Variants in PRPH2 observed in about 807,000 individuals in gnomAD.
The protein encoded by PRPH2 is peripherin 2, also known as peripherin-2.
Under a neutral mutation model 31.3 loss-of-function variants are expected in PRPH2, and 17 were observed. The ratio of observed to expected loss-of-function variants is 0.54; its 90% CI spans 0.37 to 0.81. The LOEUF is 0.81. Among genes scored for constraint, PRPH2 ranks in the 40% least tolerant of loss-of-function variants. The pLI is 0.00. For missense variants in PRPH2, 430 were observed against 439.7 expected (o/e 0.98, Z 0.20); for synonymous variants, 165 against 184.4 (o/e 0.89, Z 0.85).
chr6:42,701,193 C>T (rs1409002733), intron 2 of PRPH2, among the ~76,000 whole-genome samples: 5 of 151,878 alleles, frequency 3.3e-5, no homozygotes, highest in Admixed American at 1.3e-4. Context: ...GGCGTGATCT[C>T]GGCTCACCAC....
intron 1 of PRPH2, among the ~76,000 whole-genome samples, chr6:42,704,890 C>T (rs1031455348): frequency 5.3e-5 from 8 of 152,202 alleles, no homozygotes; most frequent in Non-Finnish European, 1.0e-4. Flanking sequence ...TGCTGCCAGG[C>T]GCTTTCTTGG....
intron 1 of PRPH2, among the ~76,000 whole-genome samples, chr6:42,706,396 C>T (rs1478279280): frequency 6.7e-6 from 1 of 149,608 alleles, no homozygotes; most frequent in Non-Finnish European, 1.5e-5. Flanking sequence ...CACAGTGAGA[C>T]TCTGTCTCAA....
intron 2 of PRPH2, among the ~76,000 whole-genome samples, 200 bp downstream of exon 2, chr6:42,704,165 G>GAATAAATAAATAAATA (rs59389246): frequency 2.1e-4 from 32 of 150,234 alleles, no homozygotes; most frequent in African/African-American, 7.6e-4. Flanking sequence ...AGAAATAAAT[G>GAATAAATAAATAAATA]AATAAATAAA....
chr6:42,716,113 T>C (rs1381479608), intron 1 of PRPH2, among the ~76,000 whole-genome samples: 1 of 152,184 alleles, frequency 6.6e-6, no homozygotes, highest in Non-Finnish European at 1.5e-5. Flanking sequence ...CAGAGGAGGA[T>C]CCCTGTGGAT....
Sources: allele counts gnomAD v4.1 joint callset (sites outside exome capture counted in the v4.1 genomes callset), GRCh38; gene constraint gnomAD v4.1.1; transcripts MANE v1.5; gene names NCBI Gene and HGNC (gene_info 2026-07-23, HGNC 2026-07-21).